NSMCE2: variants seen among roughly 807,000 people sequenced by gnomAD.
NSMCE2 encodes the protein E3 SUMO-protein ligase NSE2.
In NSMCE2, 24 loss-of-function variants were observed where a neutral mutation model predicts 23.8. The ratio of observed to expected loss-of-function variants is 1.01; its 90% confidence interval spans 0.73 to 1.42. The LOEUF (loss-of-function observed/expected upper bound fraction) is 1.42. NSMCE2 is among the 40% of genes most tolerant of loss of function. NSMCE2 has a pLI of 0.00. For synonymous variants in NSMCE2, 92 were observed against 94.1 expected (o/e 0.98, Z 0.13); for missense variants, 284 against 296.5 (o/e 0.96, Z 0.31).
At position 125,357,808 on chromosome 8, in the gene NSMCE2, A is replaced by G; in HGVS notation, c.616A>G (p.Lys206Glu). Residue 206 changes from lysine (K) to glutamate (E), a missense_variant, in exon 7 of 8, where the codon AAA (lysine) becomes GAA (glutamate). By Grantham distance (56) the Lys-to-Glu change is moderately conservative. Transcript: ENST00000287437. ...RMIESRQKRKKKAYCPQIGCS... is the reference protein window; with the variant it reads ...RMIESRQKRKEKAYCPQIGCS... ...GATTGAGTCCAGGCAAAAGCGGAAG[A>G]AAAAGGCCTAGTGAGTGGACGCAGG... 6.2e-7 allele frequency: 1 copy of G among 1,610,842 alleles called. No individual in the cohort carries two copies. The highest frequency in any genetic ancestry group is 8.5e-7 in the Non-Finnish European group (1 of 1,176,986).
intron 3 of NSMCE2, chr8:125,130,114 A>G (rs1236792146): frequency 9.0e-6 from 3 of 331,800 alleles, no homozygotes; most frequent in African/African-American, 6.5e-5. Context: ...TTTTTCTTGT[A>G]ATCCTGACAG....
At chr8:125,206,075 G>A (rs561342971) in intron 5 of NSMCE2, among the ~76,000 whole-genome samples, 15 of 152,246 alleles carry the variant, frequency 9.9e-5, no homozygotes, top group Admixed American at 5.9e-4. Context: ...ATAAAATGAC[G>A]TGTTCAGAAA....
chr8:125,129,570 G>GTGTGTGTGTGTGTC (rs1020033186), intron 3 of NSMCE2, among the ~76,000 whole-genome samples: 3 of 151,834 alleles, frequency 2.0e-5, no homozygotes, highest in African/African-American at 7.3e-5. Context: ...GTGTGTGTGT[G>GTGTGTGTGTGTGTC]TGTGTGTGTC....
chr8:125,110,733 G>A (rs1436970852), intron 3 of NSMCE2, among the ~76,000 whole-genome samples: 2 of 123,666 alleles, frequency 1.6e-5, no homozygotes, highest in Non-Finnish European at 3.4e-5. Flanking sequence ...ATTTAGCGAC[G>A]TTTTGCTTAG....
intron 5 of NSMCE2, among the ~76,000 whole-genome samples, chr8:125,333,972 G>A (rs1460166020): frequency 6.6e-6 from 1 of 152,144 alleles, no homozygotes; most frequent in Non-Finnish European, 1.5e-5. Context: ...CACCCTCACA[G>A]TCAGTGCAGG....
intron 5 of NSMCE2, among the ~76,000 whole-genome samples, chr8:125,227,608 C>T (rs2130935265): frequency 6.6e-6 from 1 of 152,178 alleles, no homozygotes; most frequent in South Asian, 2.1e-4. Flanking sequence ...ATCAGGAAGC[C>T]TTGTACTTTG....
chr8:125,161,543 A>G (rs1039948783), intron 4 of NSMCE2, among the ~76,000 whole-genome samples: 1 of 152,122 alleles, frequency 6.6e-6, no homozygotes, highest in African/African-American at 2.4e-5. Context: ...CACACCTGTA[A>G]TTCCAGCACT....
chr8:125,330,183 T>TC (rs1457332831), intron 5 of NSMCE2, among the ~76,000 whole-genome samples: 34 of 146,440 alleles, frequency 2.3e-4, no homozygotes, highest in Admixed American at 5.4e-4. Flanking sequence ...TTTTCTTTCT[T>TC]TTTTTTTTTT....
intron 5 of NSMCE2, among the ~76,000 whole-genome samples, chr8:125,232,492 A>G (rs1408785198): frequency 6.6e-6 from 1 of 152,196 alleles, no homozygotes; most frequent in Non-Finnish European, 1.5e-5. Flanking sequence ...TTAACTCAGT[A>G]TTTTAAAGGT....
rs535414713 is a variant in NSMCE2 at position 125,334,597 on chromosome 8, A to T, written c.419-22622A>T. On this transcript the variant is annotated intron_variant, in intron 5 of 7. Transcript: ENST00000287437. ...CTGCTGGAGGGGAATTGTTTTTCTC[A>T]CGGGTTGGAATGTAGCAAGTGTCCA... 1.3e-4 allele frequency among the ~76,000 whole-genome samples: 20 copies of T among 151,908 alleles called. No individual in the cohort carries two copies. The South Asian group carries it at 4.0e-3, about 30-fold the overall frequency.
intron 5 of NSMCE2, among the ~76,000 whole-genome samples, chr8:125,325,431 A>T (rs1829628271): frequency 6.6e-6 from 1 of 152,178 alleles, no homozygotes; most frequent in Non-Finnish European, 1.5e-5. Context: ...GCTCATTGCA[A>T]CCTCTACCTC....
intron 4 of NSMCE2, chr8:125,156,311 A>G (rs1242564822): frequency 3.1e-5 from 5 of 163,146 alleles, no homozygotes; most frequent in African/African-American, 1.2e-4. Context: ...TTACCTGTAT[A>G]TTGTTCTTTT....
intron 5 of NSMCE2, among the ~76,000 whole-genome samples, chr8:125,289,957 C>T (rs1006442015): frequency 2.6e-5 from 4 of 152,178 alleles, no homozygotes; most frequent in Non-Finnish European, 1.5e-5. Flanking sequence ...TAACTAGCCA[C>T]AAAAGCTGGT....
chr8:125,140,273 A>G (rs1820292970), intron 3 of NSMCE2, among the ~76,000 whole-genome samples: 1 of 152,242 alleles, frequency 6.6e-6, no homozygotes, highest in African/African-American at 2.4e-5. Flanking sequence ...TGCAAAGTAC[A>G]GTTAATACAG....
intron 5 of NSMCE2, among the ~76,000 whole-genome samples, chr8:125,289,071 T>C (rs1330778869): frequency 6.6e-6 from 1 of 152,190 alleles, no homozygotes; most frequent in South Asian, 2.1e-4. Flanking sequence ...TTTACAGGCA[T>C]GTGCCACCAC....
In NSMCE2 at chr8:125,310,587, T is replaced by G. The variant is rs150545178; in HGVS notation, c.419-46632T>G. 3.0e-3 allele frequency among the ~76,000 whole-genome samples: 457 copies of G among 152,348 alleles called. 7 individuals carry two copies. The highest frequency in any genetic ancestry group is 0.01 in the African/African-American group (436 of 41,576). Reference sequence around the variant, plus strand: ...ACTACATTTAAATTCCCGGTTACTTTAAGCCCCCTTTTTTTTTGTCTTCTG... The same window carrying G: ...ACTACATTTAAATTCCCGGTTACTTGAAGCCCCCTTTTTTTTTGTCTTCTG... On this transcript the variant is annotated intron_variant, in intron 5 of 7. Coordinates refer to ENST00000287437, the MANE Select transcript of NSMCE2 (RefSeq NM_173685.4).
At chr8:125,224,157 G>T (rs1398807605) in intron 5 of NSMCE2, among the ~76,000 whole-genome samples, 2 of 152,024 alleles carry the variant, frequency 1.3e-5, no homozygotes, top group East Asian at 1.9e-4. Flanking sequence ...TTAAAATCAG[G>T]TTATTTGTTT....
intron 5 of NSMCE2, among the ~76,000 whole-genome samples, chr8:125,211,285 C>T (rs369480402): frequency 6.6e-6 from 1 of 152,180 alleles, no homozygotes; most frequent in East Asian, 1.9e-4. Flanking sequence ...GAAACAGTTA[C>T]TCTTACCAGT....
In NSMCE2 at chr8:125,366,911, C is replaced by A; in HGVS notation, c.*26C>A. ...GAAAAGCCACCTGCCTGCAGGGACA[C>A]CAGCAGCCTACCTCCTACCCCAGCT... On this transcript the variant is annotated 3_prime_UTR_variant, in exon 8 of 8. Transcript: ENST00000287437. The A allele has an allele frequency of 7.6e-7, 1 of 1,311,604 alleles. No individual in the cohort carries two copies. The highest frequency in any genetic ancestry group is 1.1e-6 in the Non-Finnish European group (1 of 904,200). The allele number at this position is 1,311,604 out of a possible 1,614,324, so 81.2% of individuals were successfully genotyped here.
Sources: gnomAD v4.1 joint callset for allele counts (sites outside exome capture counted in the v4.1 genomes callset) on GRCh38, gnomAD v4.1.1 for gene constraint, MANE v1.5 for transcripts, NCBI Gene and HGNC (gene_info 2026-07-23, HGNC 2026-07-21) for gene names.